Variants in CUX2 observed in about 807,000 individuals in gnomAD.
CUX2 encodes the protein homeobox protein cut-like 2.
In CUX2, 40 loss-of-function variants were observed where a neutral mutation model predicts 144.8. That is an observed-to-expected ratio of 0.28 (90% confidence interval 0.21 to 0.36). CUX2 has a LOEUF of 0.36. Ranked by LOEUF, CUX2 falls within the 10% of genes least tolerant of loss-of-function variation. The probability of loss-of-function intolerance (pLI) is 1.00; values close to 1 mark genes in which losing one functional copy is unlikely to be tolerated. For synonymous variants in CUX2, 827 were observed against 875.6 expected, an observed-to-expected ratio of 0.94 and a Z score of 0.98; for missense variants, 1,615 against 1,994.0, an observed-to-expected ratio of 0.81 and a Z score of 3.62.
At chr12:111,338,047 A>C (rs909751021) in intron 19 of CUX2, among the ~76,000 whole-genome samples, 4 of 152,048 alleles carry the variant, frequency 2.6e-5, no homozygotes, top group African/African-American at 7.2e-5. Context: ...AAAAGAAAAA[A>C]AAAAAAAGCT....
At position 111,263,945 on chromosome 12, in the gene CUX2, C is replaced by T. The variant is rs1488964465; in HGVS notation, c.301+106C>T. On this transcript the variant is annotated intron_variant, in intron 4 of 21. Transcript: ENST00000261726. The surrounding 1 kb of genome is among the most constrained non-coding windows in gnomAD (Gnocchi z 4.0). The stretch of plus-strand genomic sequence containing the variant: ...TGGGATGTGGGGACATGCCTGGGCT[C>T]CTGGGTGAGGCCAGGCACTCTGTAT... The T allele has an allele frequency of 3.6e-6, 4 of 1,099,878 alleles. No individual in the cohort carries two copies. Among genetic ancestry groups the T allele is most frequent in the African/African-American group, 3.1e-5 (2 of 64,608 alleles). The allele number at this position is 1,099,878 out of a possible 1,614,324, so 68.1% of individuals were successfully genotyped here. A position where few individuals can be genotyped will look rare whatever the true frequency, so the allele number is the denominator to read the frequency against.
chr12:111,241,518 A>G (rs1193281347), intron 3 of CUX2, among the ~76,000 whole-genome samples: 1 of 152,188 alleles, frequency 6.6e-6, no homozygotes, highest in African/African-American at 2.4e-5. Flanking sequence ...TCATTCTTCC[A>G]CATGCTTTTC....
chr12:111,338,840 A>C (rs1016625688), intron 20 of CUX2, among the ~76,000 whole-genome samples: 3 of 152,104 alleles, frequency 2.0e-5, no homozygotes, highest in Non-Finnish European at 2.9e-5. Context: ...CTATGATCAA[A>C]GCTGTGAATA....
chr12:111,130,731 A>G (rs1875417146), intron 1 of CUX2, among the ~76,000 whole-genome samples: 1 of 152,084 alleles, frequency 6.6e-6, no homozygotes, highest in Non-Finnish European at 1.5e-5. Context: ...AGGTCCTTGA[A>G]TCTCTTCCTT....
At position 111,310,702 on chromosome 12, in the gene CUX2, C is replaced by A; in HGVS notation, c.1900+20C>A. The A allele has an allele frequency of 1.3e-6, 2 of 1,563,258 alleles. No homozygotes were observed. The highest frequency in any genetic ancestry group is 1.2e-5 in the South Asian group (1 of 84,350). On this transcript the variant is annotated intron_variant, in intron 15 of 21. Transcript: ENST00000261726. The surrounding 1 kb of genome is among the most constrained non-coding windows in gnomAD (Gnocchi z 7.9). The stretch of plus-strand genomic sequence containing the variant: ...AGCGAGGTGAGTGCCCAAGAGGGCC[C>A]GTCCCCGCTGGCCACCACGCCAGGT...
intron 1 of CUX2, among the ~76,000 whole-genome samples, chr12:111,119,645 G>A (rs542123816): frequency 3.3e-5 from 5 of 152,294 alleles, no homozygotes; most frequent in African/African-American, 1.2e-4. Flanking sequence ...GTTCTTTCAA[G>A]GGGAGGATCC....
intron 3 of CUX2, among the ~76,000 whole-genome samples, chr12:111,248,449 C>T (rs967481988): frequency 2.6e-5 from 4 of 152,248 alleles, no homozygotes; most frequent in Admixed American, 1.3e-4. Context: ...CATGGAGGTT[C>T]GGCTGGCAGT....
rs764225996 is a variant in CUX2, at chr12:111,125,326, C to T, written c.64-88874C>T. Among the ~76,000 whole-genome samples, 69 of 152,178 alleles carry T rather than the reference C, an allele frequency of 4.5e-4. 1 individual carries two copies. Among genetic ancestry groups the T allele is most frequent in the Non-Finnish European group, 8.7e-4 (59 of 68,000 alleles). On this transcript the variant is annotated intron_variant, in intron 1 of 21. Coordinates refer to ENST00000261726, the MANE Select transcript of CUX2 (RefSeq NM_015267.4). ...ACCTGAGTAGCTGGGACTCCAGGCA[C>T]GTGCCACCGCACCAGGCTAATTTTG...
At position 111,293,646 on chromosome 12, in the gene CUX2, C is replaced by T. The variant is rs16941383; in HGVS notation, c.560+77C>T. 991 of 1,501,300 alleles carry T rather than the reference C, an allele frequency of 6.6e-4. 4 individuals are homozygous for T. The African/African-American group carries it at 9.3e-3, about 14-fold the overall frequency. The allele number at this position is 1,501,300 out of a possible 1,614,324, so 93.0% of individuals were successfully genotyped here. On this transcript the variant is annotated intron_variant, in intron 6 of 21. Coordinates refer to ENST00000261726, the MANE Select transcript of CUX2 (RefSeq NM_015267.4). This position sits in a 1 kb window ranked among gnomAD's most constrained non-coding sequence, Gnocchi z 4.5. ...CTGCCCCACCTGGCTGGGTCGTGGA[C>T]GGGGAAAGTCTCCTACCAGAATCCA... is the stretch of plus-strand genomic sequence containing the variant.
intron 4 of CUX2, among the ~76,000 whole-genome samples, chr12:111,284,416 G>A (rs1013962868): frequency 1.3e-5 from 2 of 152,138 alleles, no homozygotes; most frequent in Non-Finnish European, 2.9e-5. Flanking sequence ...TGGTCCAGGA[G>A]ACAAGGCCGG....
chr12:111,221,266 C>G (rs1026227108), intron 3 of CUX2, among the ~76,000 whole-genome samples: 1 of 152,130 alleles, frequency 6.6e-6, no homozygotes, highest in Admixed American at 6.6e-5. Flanking sequence ...ATTGACTAAG[C>G]CATTGTGGCC....
intron 16 of CUX2, among the ~76,000 whole-genome samples, chr12:111,318,978 T>C (rs1054549546): frequency 1.3e-5 from 2 of 152,172 alleles, no homozygotes. Context: ...CCCACTGTTT[T>C]TGATCCATTC....
chr12:111,338,188 G>A (rs928497813), intron 19 of CUX2, 98 bp from the exon 20 acceptor site: 7 of 1,306,328 alleles, frequency 5.4e-6, no homozygotes, highest in Non-Finnish European at 7.3e-6. Flanking sequence ...TAGCCTCGAG[G>A]CTCTCCCCTG....
At chr12:111,279,191 G>C (rs1885011214) in intron 4 of CUX2, among the ~76,000 whole-genome samples, 1 of 152,166 alleles carries the variant, frequency 6.6e-6, no homozygotes, top group African/African-American at 2.4e-5. Flanking sequence ...CCAGTGCCTA[G>C]GAACTGTCAG....
chr12:111,234,022 G>A (rs1207508755), intron 3 of CUX2, among the ~76,000 whole-genome samples: 4 of 152,120 alleles, frequency 2.6e-5, no homozygotes, highest in African/African-American at 7.2e-5. Context: ...AACTGGAAGT[G>A]GTCACATCAT....
intron 3 of CUX2, among the ~76,000 whole-genome samples, chr12:111,250,255 T>A (rs1460583778): frequency 1.3e-5 from 2 of 152,004 alleles, no homozygotes; most frequent in Non-Finnish European, 2.9e-5. Flanking sequence ...CCACTTCAGG[T>A]GTGGGGGTGG....
At chr12:111,096,542 A>G (rs1168415612) in intron 1 of CUX2, among the ~76,000 whole-genome samples, 4 of 152,182 alleles carry the variant, frequency 2.6e-5, no homozygotes, top group East Asian at 1.9e-4. Flanking sequence ...CCGAGGCCCC[A>G]TAGCCATCCC....
chr12:111,298,534 G>A lies in CUX2; in HGVS notation c.705-7G>A, dbSNP rs1482662630. 4 of 1,574,684 alleles carry A rather than the reference G, an allele frequency of 2.5e-6. No individual in the cohort carries two copies. The highest frequency in any genetic ancestry group is 3.7e-5 in the Admixed American group (2 of 54,296). On this transcript the variant is annotated splice_region_variant and splice_polypyrimidine_tract_variant and intron_variant, in intron 8 of 21. Transcript: ENST00000261726. The stretch of plus-strand genomic sequence containing the variant: ...CCCTTCCTCAGGGCCTCATCTTTGT[G>A]TCTCAGGGCAGATGAAGTCGGCCTG...
chr12:111,347,273 A>G (rs1592994480), intron 21 of CUX2, among the ~76,000 whole-genome samples: 1 of 152,134 alleles, frequency 6.6e-6, no homozygotes, highest in East Asian at 1.9e-4. Flanking sequence ...CGGTTCTGCC[A>G]CTTACTAGCT....
Sources: allele counts gnomAD v4.1 joint callset (sites outside exome capture counted in the v4.1 genomes callset), GRCh38; gene constraint gnomAD v4.1.1; non-coding constraint Gnocchi (gnomAD v3.1); transcripts MANE v1.5; gene names NCBI Gene and HGNC (gene_info 2026-07-23, HGNC 2026-07-21).